Variants in AIMP1 observed in about 807,000 individuals in gnomAD.
The protein encoded by AIMP1 is aminoacyl tRNA synthetase complex interacting multifunctional protein 1.
In AIMP1, 24 loss-of-function variants were observed where a neutral mutation model predicts 33.1. That is an observed-to-expected ratio of 0.73 (90% CI 0.53 to 1.02). The LOEUF is 1.02. Among genes scored for constraint, AIMP1 ranks in the 50% least tolerant of loss-of-function variants. AIMP1 has a pLI of 0.00. For synonymous variants in AIMP1, 120 were observed against 121.5 expected (o/e 0.99, Z 0.08); for missense variants, 367 against 364.8 (o/e 1.01, Z -0.05).
intron 1 of AIMP1, among the ~76,000 whole-genome samples, chr4:106,321,060 C>T (rs1382732535): frequency 6.6e-6 from 1 of 152,214 alleles, no homozygotes; most frequent in Non-Finnish European, 1.5e-5. Context: ...CAATGTTGCC[C>T]ATGCTGGAGT....
At chr4:106,320,713 G>C (rs1450970988) in intron 1 of AIMP1, among the ~76,000 whole-genome samples, 1 of 151,910 alleles carries the variant, frequency 6.6e-6, no homozygotes, top group African/African-American at 2.4e-5. Context: ...GGTGAAATCA[G>C]GTACAAGTAA....
chr4:106,329,770 A>ATT (rs1769597727), intron 4 of AIMP1, among the ~76,000 whole-genome samples: 2 of 88,318 alleles, frequency 2.3e-5, no homozygotes, highest in South Asian at 3.8e-4. Context: ...ACTGCTACAT[A>ATT]TCTTTTTTTT....
intron 5 of AIMP1, among the ~76,000 whole-genome samples, chr4:106,335,791 C>CT (rs1270313767): frequency 6.6e-6 from 1 of 151,474 alleles, no homozygotes; most frequent in Non-Finnish European, 1.5e-5. Context: ...ATAAAACCAT[C>CT]TTTTATCTAG....
chr4:106,326,030 C>T (rs564726696), intron 2 of AIMP1, among the ~76,000 whole-genome samples: 59 of 152,118 alleles, frequency 3.9e-4, no homozygotes, highest in Non-Finnish European at 7.9e-4. Flanking sequence ...ACAATGCCAA[C>T]TAGTATAGGT....
upstream of AIMP1, chr4:106,316,379 T>C (rs950966425): frequency 5.8e-5 from 37 of 638,018 alleles, no homozygotes; most frequent in Non-Finnish European, 6.9e-5. Flanking sequence ...TTGAAAATAC[T>C]GGGTGAGGGA....
chr4:106,333,256 T>G (rs1274093953), intron 5 of AIMP1, among the ~76,000 whole-genome samples: 1 of 152,176 alleles, frequency 6.6e-6, no homozygotes, highest in East Asian at 1.9e-4. Flanking sequence ...ACAAGGGTGT[T>G]ACTTGTTTTT....
intron 4 of AIMP1, among the ~76,000 whole-genome samples, chr4:106,329,188 T>G (rs1769571797): frequency 6.6e-6 from 1 of 152,214 alleles, no homozygotes; most frequent in Non-Finnish European, 1.5e-5. Flanking sequence ...CTGTACAGCC[T>G]CTGCTATACA....
intron 4 of AIMP1, among the ~76,000 whole-genome samples, chr4:106,330,488 G>C (rs116579573): frequency 0.016 from 2,481 of 152,194 alleles, 31 homozygotes; most frequent in Middle Eastern, 0.088. Flanking sequence ...ATTATTTTAA[G>C]TTAATTCCAT....
At chr4:106,320,795 G>A (rs548739458) in intron 1 of AIMP1, among the ~76,000 whole-genome samples, 1 of 152,050 alleles carries the variant, frequency 6.6e-6, no homozygotes, top group Admixed American at 6.6e-5. Flanking sequence ...CTCTGATGCC[G>A]AGCCGAGGCT....
intron 4 of AIMP1, among the ~76,000 whole-genome samples, chr4:106,328,781 A>T (rs1769554058): frequency 6.6e-6 from 1 of 152,178 alleles, no homozygotes; most frequent in Non-Finnish European, 1.5e-5. Context: ...ATTAACCAAC[A>T]AATTCTATTA....
chr4:106,332,097 A>T (rs1462811778), intron 5 of AIMP1, among the ~76,000 whole-genome samples: 1 of 152,136 alleles, frequency 6.6e-6, no homozygotes, highest in African/African-American at 2.4e-5. Context: ...ATGCATAAGG[A>T]TAGGAAGAAG....
Position 106,331,764 on chromosome 4 carries a change from A to G in AIMP1, c.484A>G (p.Ile162Val), listed in dbSNP as rs200374617. The G allele has an allele frequency of 4.3e-6, 7 of 1,614,150 alleles. No individual in the cohort carries two copies. Among genetic ancestry groups the G allele is most frequent in the Non-Finnish European group, 5.9e-6 (7 of 1,180,000 alleles). ...CCGTCTGGATCTTCGAATTGGTTGC[A>G]TCATAACTGCTAGAAAACACCCTGA... is the stretch of plus-strand genomic sequence containing the variant. ...VSRLDLRIGCIITARKHPDAD... is the reference protein window; with the variant it reads ...VSRLDLRIGCVITARKHPDAD... Residue 162 changes from isoleucine to valine, a missense_variant, in exon 5 of 7, where the codon ATC (isoleucine) becomes GTC (valine). By Grantham distance (29) the Ile-to-Val change is conservative. Coordinates refer to ENST00000672341, the MANE Select transcript of AIMP1 (RefSeq NM_001142416.2).
rs531130077 is a variant in AIMP1, at chr4:106,333,849, T to C, written c.603+1966T>C. ...TGGTTTCTAACTGTTGCTTTTTTTC[T>C]TATAAGCTTTCAAACCTCCTTCTCA... On this transcript the variant is annotated intron_variant, in intron 5 of 6. Coordinates refer to ENST00000672341, the MANE Select transcript of AIMP1 (RefSeq NM_001142416.2). 2.5e-3 allele frequency among the ~76,000 whole-genome samples: 382 copies of C among 152,346 alleles called. 3 individuals are homozygous for C. The highest frequency in any genetic ancestry group is 9.0e-3 in the African/African-American group (375 of 41,588).
At chr4:106,340,482 C>T (rs1770054992) in intron 6 of AIMP1, among the ~76,000 whole-genome samples, 1 of 152,160 alleles carries the variant, frequency 6.6e-6, no homozygotes, top group Non-Finnish European at 1.5e-5. Context: ...TTTCCATCTT[C>T]ATGTCTGTGT....
In AIMP1 at chr4:106,325,117, A is replaced by C; in HGVS notation, c.108A>C (p.Ala36=). The C allele has an allele frequency of 6.2e-7, 1 of 1,610,048 alleles. No homozygotes were observed. Among genetic ancestry groups the C allele is most frequent in the Non-Finnish European group, 8.5e-7 (1 of 1,177,702 alleles). The change falls in exon 2 of 7, where the codon GCA becomes GCC. Residue 36 remains alanine (A), a splice_region_variant and synonymous_variant. Transcript: ENST00000672341. ...AAGTTTCTCTACTTAAGGAGAAAGCAAGTAAGAAAATTTAAAATTTTTTGA... is the reference window on the plus strand; with the variant it reads ...AAGTTTCTCTACTTAAGGAGAAAGCCAGTAAGAAAATTTAAAATTTTTTGA... ...KQQVSLLKEK[A]ILQATLREEK...
At chr4:106,334,766 A>G (rs1769811189) in intron 5 of AIMP1, among the ~76,000 whole-genome samples, 1 of 152,202 alleles carries the variant, frequency 6.6e-6, no homozygotes, top group Admixed American at 6.5e-5. Flanking sequence ...GGAAGACCTC[A>G]AAAAGAAAGT....
intron 4 of AIMP1, 78 bp downstream of exon 4, chr4:106,328,321 A>G (rs1381348286): frequency 2.0e-6 from 3 of 1,464,796 alleles, no homozygotes; most frequent in East Asian, 2.5e-5. Context: ...GATAATAATA[A>G]TAGTATCAAA....
At chr4:106,321,746 C>T (rs1314802335) in intron 1 of AIMP1, among the ~76,000 whole-genome samples, 1 of 152,022 alleles carries the variant, frequency 6.6e-6, no homozygotes, top group Non-Finnish European at 1.5e-5. Context: ...GCAGTTTTGT[C>T]GAATAGAAAA....
intron 4 of AIMP1, among the ~76,000 whole-genome samples, chr4:106,329,191 G>A (rs6818599): frequency 0.027 from 4,110 of 152,212 alleles, 181 homozygotes; most frequent in African/African-American, 0.094. Context: ...TACAGCCTCT[G>A]CTATACAACT....
Sources: gnomAD v4.1 joint callset for allele counts (sites outside exome capture counted in the v4.1 genomes callset) on GRCh38, gnomAD v4.1.1 for gene constraint, MANE v1.5 for transcripts, NCBI Gene and HGNC (gene_info 2026-07-23, HGNC 2026-07-21) for gene names.